Variants in ASAP1 observed in about 807,000 individuals in gnomAD.
The protein encoded by ASAP1 is arf-GAP with SH3 domain, ANK repeat and PH domain-containing protein 1.
In ASAP1, 43 loss-of-function variants were observed where a neutral mutation model predicts 145.2. The observed-to-expected ratio is 0.30, with a 90% CI of 0.23 to 0.38. The LOEUF (loss-of-function observed/expected upper bound fraction) is 0.38. Ranked by LOEUF, ASAP1 falls within the 10% of genes least tolerant of loss-of-function variation. The pLI is 1.00. For synonymous variants in ASAP1, 546 were observed against 515.5 expected (o/e 1.06, Z -0.80); for missense variants, 1,018 against 1,355.3 (o/e 0.75, Z 3.91).
chr8:130,144,658 C>A lies in ASAP1; in HGVS notation c.1081-7620G>T, dbSNP rs1022880945. 3.9e-5 allele frequency among the ~76,000 whole-genome samples: 6 copies of A among 152,194 alleles called. 1 individual carries two copies. Among genetic ancestry groups the A allele is most frequent in the Admixed American group, 3.9e-4 (6 of 15,272 alleles). The stretch of plus-strand genomic sequence containing the variant: ...CACGTTCCAAATTCCAAACTTATTA[C>A]TCTGTGGCCACAACTAAAGCTCTCA... On this transcript the variant is annotated intron_variant, in intron 13 of 29. Coordinates refer to ENST00000518721, the MANE Select transcript of ASAP1 (RefSeq NM_018482.4).
intron 1 of ASAP1, among the ~76,000 whole-genome samples, chr8:130,404,270 T>C (rs750036470): frequency 2.6e-5 from 4 of 152,336 alleles, no homozygotes; most frequent in South Asian, 2.1e-4. Context: ...TCCTGAGCAC[T>C]GAATCACAAA....
chr8:130,121,412 C>T (rs924005912), intron 18 of ASAP1, among the ~76,000 whole-genome samples: 3 of 152,186 alleles, frequency 2.0e-5, no homozygotes, highest in African/African-American at 4.8e-5. Context: ...CAAGTCATGA[C>T]AACTGAGTAT....
chr8:130,394,131 C>T (rs147100218), intron 2 of ASAP1, among the ~76,000 whole-genome samples: 2,722 of 152,314 alleles, frequency 0.018, 89 homozygotes, highest in African/African-American at 0.061. Flanking sequence ...AACAGGATAA[C>T]AGCAATGTTC....
At chr8:130,324,913 C>T (rs1293084817) in intron 3 of ASAP1, among the ~76,000 whole-genome samples, 1 of 152,206 alleles carries the variant, frequency 6.6e-6, no homozygotes, top group African/African-American at 2.4e-5. Flanking sequence ...AGGCTCTAGA[C>T]AGTCTGCCTC....
chr8:130,105,747 A>G (rs2097535898), intron 24 of ASAP1, among the ~76,000 whole-genome samples: 1 of 152,212 alleles, frequency 6.6e-6, no homozygotes, highest in Non-Finnish European at 1.5e-5. Context: ...GGTGGAGTAG[A>G]GTGCGCTGGG....
rs1326007566 is a variant in ASAP1, at chr8:130,358,630, C to G, written c.60-487G>C. On this transcript the variant is annotated intron_variant, in intron 2 of 29. Coordinates refer to ENST00000518721, the MANE Select transcript of ASAP1 (RefSeq NM_018482.4). This position sits in a 1 kb window ranked among gnomAD's most constrained non-coding sequence, Gnocchi z 4.1. ...CTCCCGCGGCGGGCGGGCGGGCGGGCGGCGCTCGCGCTGCAGTCACGGGGC... is the reference window on the plus strand; with the variant it reads ...CTCCCGCGGCGGGCGGGCGGGCGGGGGGCGCTCGCGCTGCAGTCACGGGGC... Among the ~76,000 whole-genome samples the G allele has an allele frequency of 1.4e-5, 2 of 147,128 alleles. No individual in the cohort carries two copies. The highest frequency in any genetic ancestry group is 2.4e-5 in the African/African-American group (1 of 40,912).
At chr8:130,091,215 A>C (rs926028894) in intron 25 of ASAP1, among the ~76,000 whole-genome samples, 2 of 152,358 alleles carry the variant, frequency 1.3e-5, no homozygotes, top group East Asian at 1.9e-4. Flanking sequence ...AACAAGACCA[A>C]GACAAGGTTC....
chr8:130,335,346 A>G (rs991683601), intron 3 of ASAP1, among the ~76,000 whole-genome samples: 2 of 152,184 alleles, frequency 1.3e-5, no homozygotes, highest in African/African-American at 4.8e-5. Context: ...TATGACCCCT[A>G]TTTTACAGAG....
chr8:130,149,070 A>G lies in ASAP1; in HGVS notation c.1080+3666T>C, dbSNP rs1415320266. 2.7e-5 allele frequency among the ~76,000 whole-genome samples: 4 copies of G among 147,598 alleles called. No individual in the cohort carries two copies. The South Asian group carries it at 8.9e-4, about 33-fold the overall frequency. ...TCCATGTTGCCCAGGCTGGTCTCGA[A>G]CTCCTGGGCTCAAGTGATCTGCCTG... On this transcript the variant is annotated intron_variant, in intron 13 of 29. Transcript: ENST00000518721.
intron 4 of ASAP1, among the ~76,000 whole-genome samples, chr8:130,223,483 T>C (rs1216342299): frequency 6.6e-6 from 1 of 152,192 alleles, no homozygotes; most frequent in African/African-American, 2.4e-5. Context: ...TGCTAATGGA[T>C]GCTAATTTAA....
At chr8:130,231,816 T>C (rs1263040874) in intron 4 of ASAP1, among the ~76,000 whole-genome samples, 1 of 152,252 alleles carries the variant, frequency 6.6e-6, no homozygotes, top group Non-Finnish European at 1.5e-5. Flanking sequence ...TAAACAATAC[T>C]GAGAAGCAAG....
At chr8:130,232,520 T>C (rs1316256321) in intron 4 of ASAP1, among the ~76,000 whole-genome samples, 2 of 152,148 alleles carry the variant, frequency 1.3e-5, no homozygotes, top group Non-Finnish European at 2.9e-5. Flanking sequence ...GAATTGAGTT[T>C]TGTGTTGTTT....
At chr8:130,160,713 A>C in intron 11 of ASAP1, 6 of 998,180 alleles carry the variant, frequency 6.0e-6, no homozygotes, top group South Asian at 1.5e-5. Context: ...ACAACGTTGA[A>C]CTGCAGAACG....
intron 4 of ASAP1, among the ~76,000 whole-genome samples, chr8:130,231,632 A>C (rs1817913451): frequency 6.6e-6 from 1 of 152,242 alleles, no homozygotes; most frequent in African/African-American, 2.4e-5. Flanking sequence ...CTGAGTTCCT[A>C]GTCCCAGAAA....
intron 3 of ASAP1, among the ~76,000 whole-genome samples, chr8:130,293,587 T>TCCCCCA (rs1822076010): frequency 6.6e-6 from 1 of 151,968 alleles, no homozygotes. Flanking sequence ...AAGTAAGGAT[T>TCCCCCA]CCCCCACCCC....
intron 25 of ASAP1, among the ~76,000 whole-genome samples, chr8:130,085,191 C>T (rs1453922492): frequency 6.6e-6 from 1 of 152,166 alleles, no homozygotes; most frequent in Non-Finnish European, 1.5e-5. Flanking sequence ...AGAATAGTGT[C>T]AGTCTTAAGG....
chr8:130,168,963 A>T, intron 10 of ASAP1, 29 bp downstream of exon 10: 1 of 1,333,630 alleles, frequency 7.5e-7, no homozygotes, highest in Non-Finnish European at 1.0e-6. Context: ...AAAGCAAGTT[A>T]AACTGCATGT....
At chr8:130,385,255 C>G (rs1179194071) in intron 2 of ASAP1, among the ~76,000 whole-genome samples, 1 of 152,190 alleles carries the variant, frequency 6.6e-6, no homozygotes, top group Non-Finnish European at 1.5e-5. Context: ...CACTTGAGGT[C>G]AGGAGTTCCA....
chr8:130,073,326 G>A (rs1352316059), intron 27 of ASAP1, among the ~76,000 whole-genome samples: 1 of 151,252 alleles, frequency 6.6e-6, no homozygotes, highest in East Asian at 1.9e-4. Context: ...GGAGGCGGAG[G>A]TTGCGGGGAG....
Sources: gnomAD v4.1 joint callset for allele counts (sites outside exome capture counted in the v4.1 genomes callset) on GRCh38, gnomAD v4.1.1 for gene constraint, Gnocchi (gnomAD v3.1) non-coding constraint, MANE v1.5 for transcripts, NCBI Gene and HGNC (gene_info 2026-07-23, HGNC 2026-07-21) for gene names.